Variants in GALNTL6 observed in about 807,000 individuals in gnomAD.
GALNTL6 encodes polypeptide N-acetylgalactosaminyltransferase-like 6.
A neutral mutation model predicts 73.7 loss-of-function variants in GALNTL6; 46 were observed. That is an observed-to-expected ratio of 0.62 (90% CI 0.49 to 0.80). The LOEUF is 0.80. GALNTL6 is among the 30% of genes least tolerant of loss of function. The probability of loss-of-function intolerance (pLI) is 0.00; values close to 1 mark genes in which losing one functional copy is unlikely to be tolerated. For synonymous variants in GALNTL6, 259 were observed against 263.7 expected (o/e 0.98, Z 0.17); for missense variants, 604 against 755.0 (o/e 0.80, Z 2.34).
chr4:171,913,857 G>A (rs1159051997), intron 2 of GALNTL6, among the ~76,000 whole-genome samples: 1 of 151,974 alleles, frequency 6.6e-6, no homozygotes, highest in Non-Finnish European at 1.5e-5. Context: ...TTAATGATGA[G>A]ATACATACCC....
chr4:172,956,186 C>G (rs114835246), intron 10 of GALNTL6, among the ~76,000 whole-genome samples: 2,590 of 152,056 alleles, frequency 0.017, 81 homozygotes, highest in African/African-American at 0.059. Context: ...CTGCTTCGAG[C>G]AGGATTAGGA....
intron 2 of GALNTL6, among the ~76,000 whole-genome samples, chr4:171,965,092 G>T (rs1478867622): frequency 6.6e-6 from 1 of 152,122 alleles, no homozygotes; most frequent in Non-Finnish European, 1.5e-5. Context: ...TTACCATTCT[G>T]CCTTAGAATG....
chr4:171,875,534 G>GC (rs1196030558), intron 2 of GALNTL6, among the ~76,000 whole-genome samples: 1 of 152,064 alleles, frequency 6.6e-6, no homozygotes, highest in Non-Finnish European at 1.5e-5. Flanking sequence ...CTACCTAACA[G>GC]CAGGGCAGTG....
chr4:172,705,851 A>G (rs553105038), intron 5 of GALNTL6, among the ~76,000 whole-genome samples: 2 of 152,220 alleles, frequency 1.3e-5, no homozygotes, highest in Admixed American at 6.5e-5. Flanking sequence ...CAGACAAATC[A>G]GATCTCTTTT....
At chr4:172,485,493 C>T (rs954716512) in intron 5 of GALNTL6, among the ~76,000 whole-genome samples, 3 of 151,892 alleles carry the variant, frequency 2.0e-5, no homozygotes, top group Non-Finnish European at 2.9e-5. Context: ...TGTTCTGGGT[C>T]GCAATGTAAC....
At chr4:172,624,355 A>T (rs1374553057) in intron 5 of GALNTL6, among the ~76,000 whole-genome samples, 2 of 151,734 alleles carry the variant, frequency 1.3e-5, no homozygotes, top group African/African-American at 4.8e-5. Context: ...CTCAGGTTAC[A>T]ATTGTGTGGT....
Position 173,021,550 on chromosome 4 carries a change from G to C in GALNTL6, c.1563G>C (p.Ala521=). The part of the protein sequence containing the change: ...PLHTRKFCFD[A]ISHNSPVTLY... ...ATACCCGGAAATTCTGCTTTGATGC[G>C]ATCTCACACAACAGCCCCGTTACAC... is the stretch of plus-strand genomic sequence containing the variant. The change falls in exon 12 of 13, where the codon GCG becomes GCC. Residue 521 remains alanine, a synonymous_variant. Transcript: ENST00000506823. The C allele has an allele frequency of 6.2e-6, 10 of 1,614,006 alleles. No homozygotes were observed. Among genetic ancestry groups the C allele is most frequent in the Non-Finnish European group, 8.5e-6 (10 of 1,179,904 alleles).
At chr4:172,158,421 A>G (rs6812091) in intron 2 of GALNTL6, among the ~76,000 whole-genome samples, 65,721 of 151,930 alleles carry the variant, frequency 0.43, 14,926 homozygotes, top group African/African-American at 0.56. Flanking sequence ...TCATTAAAAA[A>G]AAAAACAGCT....
At chr4:172,752,887 G>T (rs1347963946) in intron 5 of GALNTL6, among the ~76,000 whole-genome samples, 1 of 151,892 alleles carries the variant, frequency 6.6e-6, no homozygotes, top group African/African-American at 2.4e-5. Context: ...ATTTTTTTCT[G>T]TGAAGATATG....
At chr4:172,382,243 A>T (rs775615572) in intron 5 of GALNTL6, among the ~76,000 whole-genome samples, 4 of 151,076 alleles carry the variant, frequency 2.6e-5, no homozygotes, top group African/African-American at 9.7e-5. Flanking sequence ...TGCTGGGATT[A>T]CAAGAGTGAG....
At chr4:172,713,260 G>GTGTGTGTA (rs1359664484) in intron 5 of GALNTL6, among the ~76,000 whole-genome samples, 1 of 118,128 alleles carries the variant, frequency 8.5e-6, no homozygotes, top group Admixed American at 8.0e-5. Context: ...GTGTGTGTGT[G>GTGTGTGTA]TGTGTGTTTA....
At chr4:173,004,464 T>C (rs1001693604) in intron 10 of GALNTL6, among the ~76,000 whole-genome samples, 29 of 152,066 alleles carry the variant, frequency 1.9e-4, no homozygotes, top group African/African-American at 6.5e-4. Context: ...GCATCTCTAC[T>C]AAAAATACAA....
chr4:172,174,463 A>T (rs1734930834), intron 2 of GALNTL6, among the ~76,000 whole-genome samples: 2 of 152,190 alleles, frequency 1.3e-5, no homozygotes, highest in Non-Finnish European at 2.9e-5. Context: ...CACTGGGCAC[A>T]CTGTGCTTTG....
chr4:172,766,210 G>A (rs755648875), intron 5 of GALNTL6, among the ~76,000 whole-genome samples: 4 of 151,954 alleles, frequency 2.6e-5, no homozygotes, highest in Non-Finnish European at 4.4e-5. Flanking sequence ...ACATTCTTTC[G>A]GTCCCTAAAC....
intron 5 of GALNTL6, among the ~76,000 whole-genome samples, chr4:172,480,772 T>C (rs920501266): frequency 1.3e-5 from 2 of 152,190 alleles, no homozygotes; most frequent in East Asian, 1.9e-4. Flanking sequence ...GCTGAGTTGG[T>C]TGACTCTATC....
Position 172,302,800 on chromosome 4 carries a change from C to G in GALNTL6, c.248-8814C>G, listed in dbSNP as rs187195248. 5.3e-4 allele frequency among the ~76,000 whole-genome samples: 80 copies of G among 151,512 alleles called. No homozygotes were observed. The East Asian group carries it at 0.015, about 28-fold the overall frequency. On this transcript the variant is annotated intron_variant, in intron 3 of 12. Coordinates refer to ENST00000506823, the MANE Select transcript of GALNTL6 (RefSeq NM_001034845.3). The stretch of plus-strand genomic sequence containing the variant: ...TGATATTGAATTTCTTCTTGTTAAT[C>G]TTGGTAACTTTTTTTTTTAAGAAGG...
intron 7 of GALNTL6, among the ~76,000 whole-genome samples, chr4:172,826,912 C>T (rs1415423858): frequency 6.6e-6 from 1 of 152,240 alleles, no homozygotes; most frequent in African/African-American, 2.4e-5. Flanking sequence ...AACTGCTCTG[C>T]TCACCTTTCC....
intron 2 of GALNTL6, among the ~76,000 whole-genome samples, chr4:171,969,882 G>A (rs1225233665): frequency 6.6e-6 from 1 of 151,528 alleles, no homozygotes; most frequent in East Asian, 1.9e-4. Flanking sequence ...TGATTCTCAT[G>A]CCTCAGCCTC....
At chr4:172,059,711 C>T (rs6845255) in intron 2 of GALNTL6, among the ~76,000 whole-genome samples, 148,512 of 152,308 alleles carry the variant, frequency 0.98, 72,510 homozygotes, top group Middle Eastern at 1. Context: ...TCAGGTTATA[C>T]TTAGATTGCA....
Sources: gnomAD v4.1 joint callset for allele counts (sites outside exome capture counted in the v4.1 genomes callset) on GRCh38, gnomAD v4.1.1 for gene constraint, MANE v1.5 for transcripts, NCBI Gene and HGNC (gene_info 2026-07-23, HGNC 2026-07-21) for gene names.